The following UPP2 variants were observed in gnomAD, a reference collection of about 807,000 sequenced individuals.
UPP2 encodes the protein uridine phosphorylase 2, also known as UPase 2.
UPP2 carries 23 observed loss-of-function variants against 26.7 expected under a neutral mutation model. That is an observed-to-expected ratio of 0.86 (90% CI 0.62 to 1.22). The LOEUF (loss-of-function observed/expected upper bound fraction) is 1.22, where lower values mean the gene tolerates loss of function less well. Among genes scored for constraint, UPP2 ranks in the 50% most tolerant of loss-of-function variants. The pLI is 0.00. For synonymous variants in UPP2, 127 were observed against 141.3 expected (o/e 0.90, Z 0.72); for missense variants, 387 against 396.7 (o/e 0.98, Z 0.21).
chr2:158,071,326 G>A (rs921032703), intron 3 of UPP2, among the ~76,000 whole-genome samples: 15 of 151,848 alleles, frequency 9.9e-5, no homozygotes, highest in South Asian at 4.2e-4. Flanking sequence ...AGGCTGAGGC[G>A]GATCACTTAA....
At chr2:158,067,368 AT>A (rs1682453535) in intron 3 of UPP2, among the ~76,000 whole-genome samples, 1 of 142,414 alleles carries the variant, frequency 7.0e-6, no homozygotes, top group Non-Finnish European at 1.5e-5. Flanking sequence ...TGCATTTATC[AT>A]CAAAAAAAAA....
chr2:158,073,819 C>T (rs982349074), intron 3 of UPP2, among the ~76,000 whole-genome samples: 1 of 152,202 alleles, frequency 6.6e-6, no homozygotes, highest in African/African-American at 2.4e-5. Context: ...CCAGATCTTT[C>T]CTACAGCAAA....
At chr2:158,050,777 T>C (rs933362734) in intron 3 of UPP2, among the ~76,000 whole-genome samples, 2 of 152,208 alleles carry the variant, frequency 1.3e-5, no homozygotes, top group African/African-American at 4.8e-5. Flanking sequence ...AGGGTGGAAC[T>C]CGAAAGCAGA....
At chr2:158,121,715 A>AATTAATATTTG in intron 5 of UPP2, 97 bp downstream of exon 5, 11 of 1,121,034 alleles carry the variant, frequency 9.8e-6, no homozygotes, top group Non-Finnish European at 1.3e-5. Context: ...TACTTAAGAA[A>AATTAATATTTG]ATTAATATTT....
intron 3 of UPP2, among the ~76,000 whole-genome samples, chr2:158,076,659 G>GAA (rs761454810): frequency 7.9e-5 from 12 of 151,934 alleles, no homozygotes; most frequent in Non-Finnish European, 1.8e-4. Flanking sequence ...GGGTATAAGA[G>GAA]AAACATACCT....
rs865872468 is a variant in UPP2, at chr2:158,064,442, T to G, written c.148-37598T>G. Among the ~76,000 whole-genome samples the G allele has an allele frequency of 5.5e-3, 837 of 152,200 alleles. 10 individuals carry two copies. The highest frequency in any genetic ancestry group is 0.019 in the African/African-American group (801 of 41,538). On this transcript the variant is annotated intron_variant, in intron 3 of 9. Coordinates refer to the UPP2 transcript ENST00000605860. Reference sequence around the variant, plus strand: ...ATCCTTCACCCACTTTTTGATGGTTTTTTTTTTTCTTGTAAATTTAAGTTC... The same window carrying G: ...ATCCTTCACCCACTTTTTGATGGTTGTTTTTTTTCTTGTAAATTTAAGTTC...
At chr2:158,092,747 T>C (rs1682929824) in intron 3 of UPP2, among the ~76,000 whole-genome samples, 1 of 152,200 alleles carries the variant, frequency 6.6e-6, no homozygotes, top group African/African-American at 2.4e-5. Flanking sequence ...TATACCAAAA[T>C]GTGAAGTAGT....
At chr2:158,019,302 G>C (rs1174527656) in intron 3 of UPP2, among the ~76,000 whole-genome samples, 1 of 152,108 alleles carries the variant, frequency 6.6e-6, no homozygotes, top group Non-Finnish European at 1.5e-5. Flanking sequence ...CAAGTTGGTG[G>C]GATATGAAAG....
chr2:158,100,419 C>T (rs759925544), upstream of UPP2, among the ~76,000 whole-genome samples: 23 of 152,290 alleles, frequency 1.5e-4, no homozygotes, highest in Middle Eastern at 0.01. Flanking sequence ...ACATTTTTAC[C>T]TCTCAAAGCC....
intron 3 of UPP2, among the ~76,000 whole-genome samples, 200 bp downstream of exon 3, chr2:158,115,459 A>T (rs1252582723): frequency 1.3e-5 from 2 of 151,904 alleles, no homozygotes; most frequent in African/African-American, 4.8e-5. Flanking sequence ...ATTAGTTACC[A>T]CTTAGGTATT....
intron 3 of UPP2, among the ~76,000 whole-genome samples, chr2:158,047,561 AC>A (rs746683620): frequency 3.9e-5 from 6 of 152,222 alleles, no homozygotes; most frequent in Non-Finnish European, 8.8e-5. Flanking sequence ...AAACCAAGAG[AC>A]CAGTGGAAAT....
chr2:158,128,689 C>A (rs1439621897), intron 6 of UPP2, among the ~76,000 whole-genome samples: 1 of 152,176 alleles, frequency 6.6e-6, no homozygotes. Context: ...CCATTTCTTG[C>A]CAGCAGCCTC....
At chr2:158,083,076 G>A (rs1212280166) in intron 3 of UPP2, among the ~76,000 whole-genome samples, 5 of 152,160 alleles carry the variant, frequency 3.3e-5, no homozygotes, top group South Asian at 2.1e-4. Flanking sequence ...GAGAGGATGC[G>A]GAGAAACAGG....
At chr2:158,102,733 C>A (rs957658512) in intron 1 of UPP2, among the ~76,000 whole-genome samples, 1 of 152,152 alleles carries the variant, frequency 6.6e-6, no homozygotes, top group African/African-American at 2.4e-5. Flanking sequence ...TTTGCTGGTT[C>A]CCTCTGATTT....
intron 4 of UPP2, among the ~76,000 whole-genome samples, chr2:158,120,537 C>A (rs1191996098): frequency 6.6e-6 from 1 of 151,884 alleles, no homozygotes; most frequent in African/African-American, 2.4e-5. Context: ...AGTTTATGTT[C>A]TATCAGAGAA....
chr2:157,999,783 A>G (rs1400340054), intron 2 of UPP2, among the ~76,000 whole-genome samples: 1 of 152,168 alleles, frequency 6.6e-6, no homozygotes, highest in Non-Finnish European at 1.5e-5. Flanking sequence ...AAATGGAATA[A>G]AAGTTAAGAA....
At chr2:158,083,423 G>C (rs1168042347) in intron 3 of UPP2, among the ~76,000 whole-genome samples, 1 of 152,066 alleles carries the variant, frequency 6.6e-6, no homozygotes, top group Non-Finnish European at 1.5e-5. Flanking sequence ...GATGAAGCTG[G>C]AAACCATCAT....
intron 5 of UPP2, among the ~76,000 whole-genome samples, chr2:158,121,920 T>C (rs1231407076): frequency 1.3e-5 from 2 of 152,004 alleles, no homozygotes; most frequent in Middle Eastern, 6.3e-3. Context: ...TTAGCAGCTC[T>C]AAGAGAAGGG....
At chr2:158,015,795 G>A (rs1342563792) in intron 2 of UPP2, 1 of 453,516 alleles carries the variant, frequency 2.2e-6, no homozygotes, top group Non-Finnish European at 4.4e-6. Flanking sequence ...GCTCCACCAT[G>A]GTAAGATGTG....
Sources: allele counts gnomAD v4.1 joint callset (sites outside exome capture counted in the v4.1 genomes callset), GRCh38; gene constraint gnomAD v4.1.1; transcripts MANE v1.5; gene names NCBI Gene and HGNC (gene_info 2026-07-23, HGNC 2026-07-21).